The following KDM2B variants were observed in gnomAD, a reference collection of about 807,000 sequenced individuals.
KDM2B encodes the protein lysine demethylase 2B, also known as lysine-specific demethylase 2B.
KDM2B carries 26 observed loss-of-function variants against 150.0 expected under a neutral mutation model. The ratio of observed to expected loss-of-function variants is 0.17; its 90% CI spans 0.13 to 0.24. The LOEUF (loss-of-function observed/expected upper bound fraction) is 0.24. Among genes scored for constraint, KDM2B ranks in the 10% least tolerant of loss-of-function variants. The probability of loss-of-function intolerance (pLI) is 1.00; values close to 1 mark genes in which losing one functional copy is unlikely to be tolerated. For synonymous variants in KDM2B, 734 were observed against 729.5 expected (o/e 1.01, Z -0.10); for missense variants, 1,265 against 1,816.9 (o/e 0.70, Z 5.52).
At chr12:121,509,286 A>G (rs1391154411) in intron 11 of KDM2B, among the ~76,000 whole-genome samples, 1 of 150,864 alleles carries the variant, frequency 6.6e-6, no homozygotes, top group Non-Finnish European at 1.5e-5. Context: ...CTGGTCTTGA[A>G]CTCATGACTT....
At chr12:121,556,810 C>G (rs1889932876) in intron 4 of KDM2B, among the ~76,000 whole-genome samples, 1 of 151,380 alleles carries the variant, frequency 6.6e-6, no homozygotes, top group Admixed American at 6.6e-5. Context: ...TGAGATGGTG[C>G]CACTGCACTC....
chr12:121,570,435 C>T (rs1891012914), intron 4 of KDM2B, among the ~76,000 whole-genome samples: 1 of 152,198 alleles, frequency 6.6e-6, no homozygotes, highest in Non-Finnish European at 1.5e-5. Flanking sequence ...ATCCTCCTAC[C>T]TTGGCCTCCC....
chr12:121,534,281 A>T (rs979116372), intron 7 of KDM2B, among the ~76,000 whole-genome samples: 4 of 151,566 alleles, frequency 2.6e-5, no homozygotes, highest in Admixed American at 6.6e-5. Flanking sequence ...CCCAGGAGGC[A>T]GAGCTTGCAG....
intron 8 of KDM2B, among the ~76,000 whole-genome samples, chr12:121,532,575 C>CCTTCT (rs1887753592): frequency 6.6e-6 from 1 of 152,246 alleles, no homozygotes; most frequent in Admixed American, 6.5e-5. Context: ...CCTGAGAGGG[C>CCTTCT]CCAAGGCCTT....
chr12:121,551,631 C>A (rs1555311817), intron 4 of KDM2B, among the ~76,000 whole-genome samples: 1 of 152,206 alleles, frequency 6.6e-6, no homozygotes. Context: ...CAGCTTACTG[C>A]AACCTCCACC....
chr12:121,408,521 C>A, the KDM2B span, among the ~76,000 whole-genome samples: 3 of 152,118 alleles, frequency 2.0e-5, no homozygotes, highest in Non-Finnish European at 2.9e-5. Context: ...CAGTATAGGA[C>A]ACTTCAAGCA....
At chr12:121,432,497 C>G (rs781997048) in intron 22 of KDM2B, among the ~76,000 whole-genome samples, 1 of 152,208 alleles carries the variant, frequency 6.6e-6, no homozygotes, top group Non-Finnish European at 1.5e-5. Context: ...CACCCAGCCT[C>G]CCAGACCACT....
Position 121,579,639 on chromosome 12 carries a change from G to A in KDM2B, c.127-693C>T, listed in dbSNP as rs1555317539. ...GCAGCTGCCTCATCTCCCCACAAGCGCGCGCGCACACTCACTTCCTAAGGA... is the reference window on the plus strand; with the variant it reads ...GCAGCTGCCTCATCTCCCCACAAGCACGCGCGCACACTCACTTCCTAAGGA... On this transcript the variant is annotated intron_variant, in intron 1 of 22. Coordinates refer to ENST00000377071, the MANE Select transcript of KDM2B (RefSeq NM_032590.5). 3 of 1,336,446 alleles carry A rather than the reference G, an allele frequency of 2.2e-6. No homozygotes were observed. In the African/African-American group the frequency reaches 4.4e-5, roughly 20 times the overall value. 82.8% of individuals were successfully genotyped at this position (1,336,446 alleles called of 1,614,324 possible).
chr12:121,554,033 C>CCACACAAACACACA (rs1491387029), intron 4 of KDM2B, among the ~76,000 whole-genome samples: 1 of 122,064 alleles, frequency 8.2e-6, no homozygotes. Flanking sequence ...CACCCCAGCT[C>CCACACAAACACACA]CACACACACA....
chr12:121,538,103 G>A (rs1290622315), intron 6 of KDM2B, among the ~76,000 whole-genome samples: 26 of 151,908 alleles, frequency 1.7e-4, no homozygotes, highest in African/African-American at 5.5e-4. Flanking sequence ...CGGGGAGCCG[G>A]GCGCTGCCTG....
In KDM2B at chr12:121,457,627, CCAGA is replaced by C. The variant is rs112191402; in HGVS notation, c.1735-4287_1735-4284del. Among the ~76,000 whole-genome samples the C allele has an allele frequency of 4.7e-3, 719 of 152,024 alleles. 4 individuals are homozygous for C. Among genetic ancestry groups the C allele is most frequent in the African/African-American group, 0.016 (645 of 41,448 alleles). ...CCCAGCAAAGGAAGTGACGGCATCC[CCAGA>C]CATTCATTTACGAACCAGCATCCCC... is the stretch of plus-strand genomic sequence containing the variant. On this transcript the variant is annotated intron_variant, in intron 12 of 22. Transcript: ENST00000377071.
At chr12:121,493,145 T>C (rs1260338214) in intron 12 of KDM2B, among the ~76,000 whole-genome samples, 1 of 140,004 alleles carries the variant, frequency 7.1e-6, no homozygotes, top group African/African-American at 2.7e-5. Flanking sequence ...TGGGCTCAGG[T>C]GATCCTCCCC....
chr12:121,432,049 T>A (rs1555285673), intron 22 of KDM2B, among the ~76,000 whole-genome samples: 1 of 151,884 alleles, frequency 6.6e-6, no homozygotes, highest in African/African-American at 2.4e-5. Context: ...CCTGGCTAAT[T>A]TTTTTAATTT....
chr12:121,456,468 C>T (rs536547702), intron 12 of KDM2B, among the ~76,000 whole-genome samples: 236 of 152,304 alleles, frequency 1.5e-3, no homozygotes, highest in African/African-American at 4.6e-3. Flanking sequence ...ATGCTATGGG[C>T]GGCGTCTAAG....
Position 121,509,524 on chromosome 12 carries a change from G to A in KDM2B, c.1647+43C>T, listed in dbSNP as rs751182231. 40 of 1,596,352 alleles carry A rather than the reference G, an allele frequency of 2.5e-5. 1 individual carries two copies. The highest frequency in any genetic ancestry group is 1.2e-4 in the African/African-American group (9 of 74,492). On this transcript the variant is annotated intron_variant, in intron 11 of 22. Coordinates refer to ENST00000377071, the MANE Select transcript of KDM2B (RefSeq NM_032590.5). ...GTGTCACACTGAACGGGACCTGCCC[G>A]GCCCTCCTCGGCCGCCCAGCCCCAG...
At position 121,549,345 on chromosome 12, in the gene KDM2B, C is replaced by G; in HGVS notation, c.576+115G>C. 1 of 976,350 alleles carries G rather than the reference C, an allele frequency of 1.0e-6. No individual in the cohort carries two copies. The highest frequency in any genetic ancestry group is 1.5e-6 in the Non-Finnish European group (1 of 660,154). 60.5% of individuals were successfully genotyped at this position (976,350 alleles called of 1,614,324 possible). The stretch of plus-strand genomic sequence containing the variant: ...TTAGTCACCCCTATGCCTGCCAAGC[C>G]CAGCCAGCCACACCCACATGAGCCT... On this transcript the variant is annotated intron_variant, in intron 5 of 22. Transcript: ENST00000377071. The surrounding 1 kb of genome is among the most constrained non-coding windows in gnomAD (Gnocchi z 4.4).
chr12:121,534,483 CA>C lies in KDM2B; in HGVS notation c.777+13del, dbSNP rs1555308395. Reference sequence around the variant, plus strand: ...CTAGAGATGCATAGAAAGTTAAAGGCAACTGAAACTCACCTTCCCACCCCGG... The same window carrying C: ...CTAGAGATGCATAGAAAGTTAAAGGCACTGAAACTCACCTTCCCACCCCGG... On this transcript the variant is annotated intron_variant, in intron 7 of 22. Coordinates refer to ENST00000377071, the MANE Select transcript of KDM2B (RefSeq NM_032590.5). The C allele has an allele frequency of 6.2e-7, 1 of 1,600,706 alleles. No homozygotes were observed. Among genetic ancestry groups the C allele is most frequent in the Non-Finnish European group, 8.6e-7 (1 of 1,167,994 alleles).
At chr12:121,554,393 C>T (rs919568556) in intron 4 of KDM2B, among the ~76,000 whole-genome samples, 1 of 150,454 alleles carries the variant, frequency 6.6e-6, no homozygotes, top group Non-Finnish European at 1.5e-5. Flanking sequence ...ATGATACTTG[C>T]CCTTTGTAAC....
intron 12 of KDM2B, among the ~76,000 whole-genome samples, chr12:121,466,133 A>T (rs1640157968): frequency 6.6e-6 from 1 of 151,760 alleles, no homozygotes; most frequent in Admixed American, 6.6e-5. Flanking sequence ...GCACCTAATG[A>T]TGAAAAAAAA....
Sources: allele counts gnomAD v4.1 joint callset (sites outside exome capture counted in the v4.1 genomes callset), GRCh38; gene constraint gnomAD v4.1.1; non-coding constraint Gnocchi (gnomAD v3.1); transcripts MANE v1.5; gene names NCBI Gene and HGNC (gene_info 2026-07-23, HGNC 2026-07-21).